The following TBL3 variants were observed in gnomAD, a reference collection of about 807,000 sequenced individuals.
TBL3 encodes the protein transducin beta like 3, also known as transducin beta-like protein 3.
Under a neutral mutation model 102.7 loss-of-function variants are expected in TBL3, and 71 were observed. The ratio of observed to expected loss-of-function variants is 0.69; its 90% CI spans 0.57 to 0.84. TBL3 has a LOEUF of 0.84. Ranked by LOEUF, TBL3 falls within the 40% of genes least tolerant of loss-of-function variation. The pLI, the probability that TBL3 is intolerant of heterozygous loss-of-function variation, is 0.00. For missense variants in TBL3, 1,188 were observed against 1,098.5 expected (o/e 1.08, Z -1.15); for synonymous variants, 578 against 477.7 (o/e 1.21, Z -2.74).
chr16:1,978,810 C>A lies in TBL3; in HGVS notation c.*125C>A. The A allele has an allele frequency of 7.6e-7, 1 of 1,322,236 alleles. No homozygotes were observed. Among genetic ancestry groups the A allele is most frequent in the Non-Finnish European group, 1.0e-6 (1 of 965,624 alleles). 81.9% of individuals were successfully genotyped at this position (1,322,236 alleles called of 1,614,324 possible). A position where few individuals can be genotyped will look rare whatever the true frequency, so the allele number is the denominator to read the frequency against. ...CACCCTGGCCAACACCCTACCTAGC[C>A]AGCCAGAAGGGCACTGGAGCTGATG... On this transcript the variant is annotated 3_prime_UTR_variant, in exon 22 of 22. Coordinates refer to ENST00000568546, the MANE Select transcript of TBL3 (RefSeq NM_006453.3).
At position 1,980,956 on chromosome 16, in the gene TBL3, C is replaced by T. The variant is rs777832825; in HGVS notation, c.*2271C>T. 7 of 1,612,806 alleles carry T rather than the reference C, an allele frequency of 4.3e-6. No homozygotes were observed. In the South Asian group the frequency reaches 4.4e-5, roughly 10 times the overall value. ...TCACTCACCTTGAGCTGCCTGAATT[C>T]GTCCCAACTCCTGCGCACGAAGGTG... On this transcript the variant is annotated 3_prime_UTR_variant, in exon 22 of 22. Transcript: ENST00000568546.
At chr16:1,974,449 A>G (rs935129747) in intron 4 of TBL3, 26 bp downstream of exon 4, 17 of 1,596,470 alleles carry the variant, frequency 1.1e-5, no homozygotes, top group Admixed American at 1.7e-5. Flanking sequence ...CCTGGAGGGG[A>G]CCCGCTCCAG....
In TBL3 at chr16:1,976,998, G is replaced by C. The variant is rs1329880161; in HGVS notation, c.1440+37G>C. ...GCCACTGGGGTGGGGGTGTGGCCAA[G>C]CCCTTGCTGGGGGAAGATGGGGGAT... On this transcript the variant is annotated intron_variant, in intron 14 of 21. Coordinates refer to ENST00000568546, the MANE Select transcript of TBL3 (RefSeq NM_006453.3). The C allele has an allele frequency of 1.9e-6, 3 of 1,612,838 alleles. No individual in the cohort carries two copies. In the Admixed American group the frequency reaches 5.0e-5, roughly 27 times the overall value.
At position 1,980,037 on chromosome 16, in the gene TBL3, C is replaced by G. The variant is rs757421720; in HGVS notation, c.*1352C>G. The G allele has an allele frequency of 6.2e-7, 1 of 1,606,784 alleles. No individual in the cohort carries two copies. The highest frequency in any genetic ancestry group is 8.5e-7 in the Non-Finnish European group (1 of 1,178,010). ...GCAGCACGTCCAGGCTCTCCTGGGC[C>G]TGCGCCTGAAAAGGCCTATCCCGCG... On this transcript the variant is annotated 3_prime_UTR_variant, in exon 22 of 22. Coordinates refer to ENST00000568546, the MANE Select transcript of TBL3 (RefSeq NM_006453.3).
At position 1,974,261 on chromosome 16, in the gene TBL3, C is replaced by A; in HGVS notation, c.158C>A (p.Ala53Asp). ...ACCAGAGTCAACATTCTGGAAGTGG[C>A]CTCGGGGGCCGTGCTGCGGAGTCTG... ...CGTRVNILEV[A>D]SGAVLRSLEQ... Residue 53 changes from alanine (A) to aspartate (D), a missense_variant, in exon 3 of 22, where the codon GCC (alanine) becomes GAC (aspartate). By Grantham distance (126) the Ala-to-Asp change is moderately radical. Transcript: ENST00000568546. 5 of 1,602,088 alleles carry A rather than the reference C, an allele frequency of 3.1e-6. No homozygotes were observed. Among genetic ancestry groups the A allele is most frequent in the East Asian group, 4.5e-5 (2 of 44,720 alleles).
Position 1,977,661 on chromosome 16 carries a change from C to T in TBL3, c.1890C>T (p.Ile630=), listed in dbSNP as rs778221659. The change falls in exon 17 of 22, where the codon ATC becomes ATT. Residue 630 remains isoleucine (I), a synonymous_variant. Transcript: ENST00000568546. ...CTGGGGCCAGTGACTCCCGAGTCAT[C>T]CTCTGGAAGGTTGTGGGCCCCAAGG... The part of the protein sequence containing the change: ...ALTGASDSRV[I]LWKDVTEAEQ... The T allele has an allele frequency of 3.0e-5, 46 of 1,551,672 alleles. No individual in the cohort carries two copies. The highest frequency in any genetic ancestry group is 3.8e-5 in the Non-Finnish European group (44 of 1,147,166).
Position 1,979,522 on chromosome 16 carries a change from G to T in TBL3, c.*837G>T. ...TCTGCGCGGCTGCTCTCGTAGGCGC[G>T]GGAAGCACAGAACTGGGGACCTGGT... On this transcript the variant is annotated 3_prime_UTR_variant, in exon 22 of 22. Coordinates refer to ENST00000568546, the MANE Select transcript of TBL3 (RefSeq NM_006453.3). The T allele has an allele frequency of 6.2e-7, 1 of 1,611,124 alleles. No homozygotes were observed. The highest frequency in any genetic ancestry group is 1.3e-5 in the African/African-American group (1 of 75,002).
chr16:1,972,219 T>A lies in TBL3; in HGVS notation c.41+14T>A. On this transcript the variant is annotated intron_variant, in intron 1 of 21. Transcript: ENST00000568546. ...CTTCAAGACCAAGTGAGCCCGGAGCTCTGGGGCCGTGCGGGGAGGGAGCTG... is the reference window on the plus strand; with the variant it reads ...CTTCAAGACCAAGTGAGCCCGGAGCACTGGGGCCGTGCGGGGAGGGAGCTG... 7.3e-7 allele frequency: 1 copy of A among 1,376,030 alleles called. No individual in the cohort carries two copies. The highest frequency in any genetic ancestry group is 9.5e-7 in the Non-Finnish European group (1 of 1,058,022). The allele number at this position is 1,376,030 out of a possible 1,614,324, so 85.2% of individuals were successfully genotyped here.
rs1334363952 is a variant in TBL3 at position 1,981,307 on chromosome 16, G to A, written c.*2622G>A. 1.4e-6 allele frequency: 2 copies of A among 1,472,636 alleles called. No homozygotes were observed. Among genetic ancestry groups the A allele is most frequent in the Non-Finnish European group, 1.8e-6 (2 of 1,113,782 alleles). 91.2% of individuals were successfully genotyped at this position (1,472,636 alleles called of 1,614,324 possible). ...AATCCTGGCAACACCTCAAGCCTGT[G>A]GGGTCCTTGTGGAGCCGCCCCAGCT... On this transcript the variant is annotated 3_prime_UTR_variant, in exon 22 of 22. Transcript: ENST00000568546.
In TBL3 at chr16:1,979,391, C is replaced by T. The variant is rs777551585; in HGVS notation, c.*706C>T. The stretch of plus-strand genomic sequence containing the variant: ...GTGGTTAGGGCCCCGCCCGCCTCGG[C>T]TAGCCTGCCCTGCCCACGCCCGCTC... On this transcript the variant is annotated 3_prime_UTR_variant, in exon 22 of 22. Coordinates refer to ENST00000568546, the MANE Select transcript of TBL3 (RefSeq NM_006453.3). 1.9e-6 allele frequency: 3 copies of T among 1,597,102 alleles called. No individual in the cohort carries two copies. The highest frequency in any genetic ancestry group is 2.6e-6 in the Non-Finnish European group (3 of 1,176,244).
chr16:1,979,236 C>T lies in TBL3; in HGVS notation c.*551C>T. On this transcript the variant is annotated 3_prime_UTR_variant, in exon 22 of 22. Coordinates refer to ENST00000568546, the MANE Select transcript of TBL3 (RefSeq NM_006453.3). Reference sequence around the variant, plus strand: ...GGCCTGGGAGGGTTCAGGGAAGCCCCGGGCCTCACCCGCCGGGTCGTCTCC... The same window carrying T: ...GGCCTGGGAGGGTTCAGGGAAGCCCTGGGCCTCACCCGCCGGGTCGTCTCC... 1.3e-6 allele frequency: 2 copies of T among 1,507,114 alleles called. No homozygotes were observed. The highest frequency in any genetic ancestry group is 1.8e-6 in the Non-Finnish European group (2 of 1,134,726). 93.4% of individuals were successfully genotyped at this position (1,507,114 alleles called of 1,614,324 possible). A position where few individuals can be genotyped will look rare whatever the true frequency, so the allele number is the denominator to read the frequency against.
chr16:1,978,290 G>C (rs750811455), intron 20 of TBL3, 23 bp from the exon 21 acceptor site: 1 of 1,610,576 alleles, frequency 6.2e-7, no homozygotes, highest in African/African-American at 1.3e-5. Context: ...TGGGCAAGAC[G>C]ATGAGGGTCC....
At chr16:1,976,697 A>C in intron 13 of TBL3, 117 bp from the exon 14 acceptor site, 1 of 1,306,950 alleles carries the variant, frequency 7.7e-7, no homozygotes, top group Non-Finnish European at 1.0e-6. Context: ...GCCAACCCGC[A>C]TCCTGGGACA....
At position 1,978,978 on chromosome 16, in the gene TBL3, A is replaced by AG. The variant is rs770493166; in HGVS notation, c.*296dup. The AG allele has an allele frequency of 4.9e-4, 681 of 1,382,018 alleles. 1 individual carries two copies. The highest frequency in any genetic ancestry group is 6.3e-4 in the Non-Finnish European group (651 of 1,031,018). 85.6% of individuals were successfully genotyped at this position (1,382,018 alleles called of 1,614,324 possible). ...TGGCCCCCTCCCATCCCTGCTGGCC[A>AG]GGGAGATCCGCCCTCCCCGCTCCTC... is the stretch of plus-strand genomic sequence containing the variant. On this transcript the variant is annotated 3_prime_UTR_variant, in exon 22 of 22. Transcript: ENST00000568546.
rs374921578 is a variant in TBL3, at chr16:1,978,655, C to T, written c.2397C>T (p.Pro799=). The change falls in exon 22 of 22, where the codon CCC becomes CCT. Residue 799 remains proline (P), a synonymous_variant. Coordinates refer to ENST00000568546, the MANE Select transcript of TBL3 (RefSeq NM_006453.3). ...CTGTGCCGGCCGCCGCCCCCACCCC[C>T]TGGGAAACCCATAAAGGCGCACTGC... ...KLPVPAAAPT[P]WETHKGALP 37 of 1,612,426 alleles carry T rather than the reference C, an allele frequency of 2.3e-5. No individual in the cohort carries two copies. The highest frequency in any genetic ancestry group is 1.9e-5 in the Non-Finnish European group (23 of 1,179,744).
At chr16:1,976,005 T>G in intron 11 of TBL3, 51 bp from the exon 12 acceptor site, 1 of 1,614,122 alleles carries the variant, frequency 6.2e-7, no homozygotes, top group African/African-American at 1.3e-5. Flanking sequence ...CCTTGCTTGC[T>G]TCCCTTCCCC....
chr16:1,980,167 G>GGCA lies in TBL3; in HGVS notation c.*1484_*1486dup. The GGCA allele has an allele frequency of 6.2e-7, 1 of 1,601,942 alleles. No individual in the cohort carries two copies. The highest frequency in any genetic ancestry group is 8.5e-7 in the Non-Finnish European group (1 of 1,176,984). On this transcript the variant is annotated 3_prime_UTR_variant, in exon 22 of 22. Coordinates refer to ENST00000568546, the MANE Select transcript of TBL3 (RefSeq NM_006453.3). ...AGAAAGAGGCTGCTCCTCTGGGGTG[G>GGCA]GCAGGATCACCCGGCTGGGAAGGGC... is the stretch of plus-strand genomic sequence containing the variant.
intron 1 of TBL3, among the ~76,000 whole-genome samples, chr16:1,973,781 C>T (rs978249397): frequency 3.9e-5 from 6 of 152,174 alleles, no homozygotes; most frequent in Non-Finnish European, 8.8e-5. Context: ...TCCCTGGAAG[C>T]CCTGGGCTGT....
At chr16:1,978,496 G>A in intron 21 of TBL3, 25 bp downstream of exon 21, 5 of 1,590,478 alleles carry the variant, frequency 3.1e-6, no homozygotes, top group South Asian at 1.1e-5. Context: ...CCTGGGGTTG[G>A]GGGATCCTGG....
Sources: gnomAD v4.1 joint callset for allele counts (sites outside exome capture counted in the v4.1 genomes callset) on GRCh38, gnomAD v4.1.1 for gene constraint, MANE v1.5 for transcripts, NCBI Gene and HGNC (gene_info 2026-07-23, HGNC 2026-07-21) for gene names.